SHISAL1: variants seen among roughly 807,000 people sequenced by gnomAD.
SHISAL1 encodes the protein shisa like 1, also known as protein shisa-like-1.
In SHISAL1, 9 loss-of-function variants were observed where a neutral mutation model predicts 22.6. The observed-to-expected ratio is 0.40, with a 90% confidence interval of 0.24 to 0.70. SHISAL1 has a LOEUF of 0.70. SHISAL1 is among the 30% of genes least tolerant of loss of function. The probability of loss-of-function intolerance (pLI) is 0.39; values close to 1 mark genes in which losing one functional copy is unlikely to be tolerated. For synonymous variants in SHISAL1, 119 were observed against 115.4 expected (o/e 1.03, Z -0.20); for missense variants, 246 against 270.6 (o/e 0.91, Z 0.64).
At chr22:44,292,804 C>G (rs1232674268) in intron 3 of SHISAL1, among the ~76,000 whole-genome samples, 2 of 152,246 alleles carry the variant, frequency 1.3e-5, no homozygotes, top group East Asian at 1.9e-4. Context: ...AACTGGGCAG[C>G]TGGGAAGAGG....
the SHISAL1 span, among the ~76,000 whole-genome samples, chr22:44,322,944 CCCAT>C: frequency 1.3e-5 from 2 of 151,542 alleles, no homozygotes; most frequent in East Asian, 2.0e-4. Flanking sequence ...TGTCCGTCCA[CCCAT>C]CCATCCATCC....
chr22:44,272,043 C>T (rs1262806928), intron 4 of SHISAL1, among the ~76,000 whole-genome samples: 1 of 152,178 alleles, frequency 6.6e-6, no homozygotes, highest in Non-Finnish European at 1.5e-5. Context: ...TGGGTGAAGC[C>T]GTGTGGGTCT....
chr22:44,269,866 C>T (rs1415619009), intron 4 of SHISAL1, among the ~76,000 whole-genome samples: 2 of 152,208 alleles, frequency 1.3e-5, no homozygotes, highest in Non-Finnish European at 2.9e-5. Context: ...CGATGCACCA[C>T]CCTGTGCCCA....
At chr22:44,297,480 G>A (rs1403124748) in intron 2 of SHISAL1, among the ~76,000 whole-genome samples, 1 of 152,168 alleles carries the variant, frequency 6.6e-6, no homozygotes, top group Non-Finnish European at 1.5e-5. Flanking sequence ...GTACCTCTTG[G>A]GTCAAAAACA....
chr22:44,278,803 C>T (rs988237915), intron 4 of SHISAL1, among the ~76,000 whole-genome samples: 18 of 152,014 alleles, frequency 1.2e-4, no homozygotes, highest in South Asian at 2.1e-4. Context: ...CAGGATGCGG[C>T]GGGAGGAGCA....
intron 4 of SHISAL1, among the ~76,000 whole-genome samples, chr22:44,265,796 G>C (rs2055157882): frequency 6.6e-6 from 1 of 152,196 alleles, no homozygotes; most frequent in Non-Finnish European, 1.5e-5. Flanking sequence ...GCACACCCCA[G>C]CGATGGGGAG....
chr22:44,280,477 G>C (rs1365453272), intron 4 of SHISAL1, among the ~76,000 whole-genome samples: 2 of 152,146 alleles, frequency 1.3e-5, no homozygotes, highest in Non-Finnish European at 2.9e-5. Flanking sequence ...AATACCAAGG[G>C]GGGCAGTGTC....
chr22:44,278,909 G>A (rs1296089755), intron 4 of SHISAL1, among the ~76,000 whole-genome samples: 2 of 152,136 alleles, frequency 1.3e-5, no homozygotes, highest in Non-Finnish European at 2.9e-5. Context: ...GTGGGTAGGA[G>A]GAGGAGATTC....
At chr22:44,284,897 G>GCCTGCCTGCCTTCCCT (rs570595554) in intron 4 of SHISAL1, among the ~76,000 whole-genome samples, 1 of 134,504 alleles carries the variant, frequency 7.4e-6, no homozygotes, top group Non-Finnish European at 1.6e-5. Flanking sequence ...CTGCCTTCCT[G>GCCTGCCTGCCTTCCCT]CCTTCCTTCC....
intron 3 of SHISAL1, among the ~76,000 whole-genome samples, chr22:44,290,529 C>CAAAAAAAAAAAAAAAAAAAAAAAAAAA (rs546640216): frequency 1.2e-5 from 1 of 84,292 alleles, no homozygotes; most frequent in African/African-American, 4.7e-5. Context: ...AACTCAGTCT[C>CAAAAAAAAAAAAAAAAAAAAAAAAAAA]AAAAAAAAAA....
chr22:44,254,069 A>C (rs2055068178), intron 4 of SHISAL1, among the ~76,000 whole-genome samples: 1 of 152,230 alleles, frequency 6.6e-6, no homozygotes, highest in South Asian at 2.1e-4. Context: ...GATAACCTTG[A>C]GTTAGAGCAA....
chr22:44,255,272 C>A (rs186295884), intron 4 of SHISAL1, among the ~76,000 whole-genome samples: 2 of 152,194 alleles, frequency 1.3e-5, no homozygotes, highest in Non-Finnish European at 2.9e-5. Flanking sequence ...CAAACTCTCA[C>A]CTAAACTCCA....
At chr22:44,293,589 G>C (rs1253739266) in intron 3 of SHISAL1, among the ~76,000 whole-genome samples, 1 of 152,166 alleles carries the variant, frequency 6.6e-6, no homozygotes, top group Non-Finnish European at 1.5e-5. Context: ...TCTGTTGGTA[G>C]AAGCTCCAGA....
At chr22:44,318,639 T>C in the SHISAL1 span, among the ~76,000 whole-genome samples, 19 of 152,176 alleles carry the variant, frequency 1.2e-4, no homozygotes, top group African/African-American at 4.3e-4. Flanking sequence ...TTAAATGAGA[T>C]GATGTATGTG....
chr22:44,289,066 T>C (rs1013502346), intron 3 of SHISAL1, among the ~76,000 whole-genome samples: 2 of 152,248 alleles, frequency 1.3e-5, no homozygotes, highest in East Asian at 1.9e-4. Context: ...CTGGAGTTTA[T>C]AGGCTGCATG....
chr22:44,275,373 C>T (rs912631403), intron 4 of SHISAL1, among the ~76,000 whole-genome samples: 2 of 152,230 alleles, frequency 1.3e-5, no homozygotes, highest in Non-Finnish European at 2.9e-5. Context: ...TGCCTGGCAG[C>T]CCGCGAAGGG....
upstream of SHISAL1, among the ~76,000 whole-genome samples, chr22:44,316,616 C>A (rs950713478): frequency 1.1e-4 from 17 of 152,214 alleles, no homozygotes; most frequent in Admixed American, 9.2e-4. Context: ...CAGGCAGCCC[C>A]AGTTTGCAAA....
intron 4 of SHISAL1, among the ~76,000 whole-genome samples, chr22:44,273,394 T>C (rs1167443309): frequency 2.6e-5 from 4 of 152,186 alleles, no homozygotes. Context: ...GCAAATACCG[T>C]CACCGGCACA....
chr22:44,294,210 C>G (rs2055371256), intron 3 of SHISAL1, among the ~76,000 whole-genome samples: 1 of 152,190 alleles, frequency 6.6e-6, no homozygotes, highest in Non-Finnish European at 1.5e-5. Flanking sequence ...ACAGGGCTTG[C>G]TGAGTGACTT....
Sources: gnomAD v4.1 joint callset for allele counts (sites outside exome capture counted in the v4.1 genomes callset) on GRCh38, gnomAD v4.1.1 for gene constraint, MANE v1.5 for transcripts, NCBI Gene and HGNC (gene_info 2026-07-23, HGNC 2026-07-21) for gene names.